The following TIAM1 variants were observed in gnomAD, a reference collection of about 807,000 sequenced individuals.
TIAM1 encodes rho guanine nucleotide exchange factor TIAM1.
Under a neutral mutation model 163.5 loss-of-function variants are expected in TIAM1, and 65 were observed. The observed-to-expected ratio is 0.40, with a 90% CI of 0.33 to 0.49. The LOEUF (loss-of-function observed/expected upper bound fraction) is 0.49. Ranked by LOEUF, TIAM1 falls within the 20% of genes least tolerant of loss-of-function variation. The pLI, the probability that TIAM1 is intolerant of heterozygous loss-of-function variation, is 0.77. For missense variants in TIAM1, 1,789 were observed against 2,044.7 expected, an observed-to-expected ratio of 0.87 and a Z score of 2.41; for synonymous variants, 833 against 810.1, an observed-to-expected ratio of 1.03 and a Z score of -0.48.
chr21:31,556,968 C>T (rs2123342495), intron 1 of TIAM1, among the ~76,000 whole-genome samples: 1 of 152,230 alleles, frequency 6.6e-6, no homozygotes, highest in African/African-American at 2.4e-5. Flanking sequence ...GAAAGTGTTC[C>T]CTCCTAACCT....
At chr21:31,165,259 CTTTAT>C (rs912193941) in intron 15 of TIAM1, among the ~76,000 whole-genome samples, 194 bp from the exon 16 acceptor site, 4 of 152,278 alleles carry the variant, frequency 2.6e-5, no homozygotes, top group Non-Finnish European at 4.4e-5. Flanking sequence ...AGTATTATTA[CTTTAT>C]ATTTTTCATA....
rs7282435 is a variant in TIAM1, at chr21:31,202,760, G to A, written c.2493+148C>T. The A allele has an allele frequency of 0.024, 16,485 of 693,430 alleles. 1,960 individuals carry two copies. In the African/African-American group the frequency reaches 0.26, roughly 11 times the overall value. The allele number at this position is 693,430 out of a possible 1,614,324, so 43.0% of individuals were successfully genotyped here. On this transcript the variant is annotated intron_variant, in intron 12 of 27. Transcript: ENST00000541036. Reference sequence around the variant, plus strand: ...CCACTCTGGAATACTGAGCTAAGTAGGGCCATCTCCACCAACTTAAGGGCT... The same window carrying A: ...CCACTCTGGAATACTGAGCTAAGTAAGGCCATCTCCACCAACTTAAGGGCT...
chr21:31,521,674 C>T (rs2047592136), intron 1 of TIAM1, among the ~76,000 whole-genome samples: 1 of 151,502 alleles, frequency 6.6e-6, no homozygotes, highest in African/African-American at 2.4e-5. Context: ...GAGTTCAAGG[C>T]TGTAGTGAGC....
intron 2 of TIAM1, among the ~76,000 whole-genome samples, chr21:31,442,064 T>TAAAAAAAAAAAAAAAAAAAA (rs1250832519): frequency 2.4e-5 from 2 of 84,710 alleles, no homozygotes; most frequent in Admixed American, 1.3e-4. Flanking sequence ...TCAGAACAAA[T>TAAAAAAAAAAAAAAAAAAAA]AAATAAATAT....
intron 1 of TIAM1, among the ~76,000 whole-genome samples, chr21:31,519,634 A>AAC (rs2047511598): frequency 6.6e-6 from 1 of 152,210 alleles, no homozygotes; most frequent in African/African-American, 2.4e-5. Flanking sequence ...AACAACAGCC[A>AAC]AAAGATAGAA....
intron 2 of TIAM1, among the ~76,000 whole-genome samples, chr21:31,424,385 C>T (rs2043706780): frequency 6.6e-6 from 1 of 152,198 alleles, no homozygotes; most frequent in Non-Finnish European, 1.5e-5. Context: ...TTGTGGATGC[C>T]ATCCAAGTAC....
intron 1 of TIAM1, among the ~76,000 whole-genome samples, chr21:31,524,421 C>G: frequency 6.6e-6 from 1 of 152,168 alleles, no homozygotes; most frequent in East Asian, 1.9e-4. Context: ...ACAACACAAA[C>G]ACCTCCCACC....
intron 2 of TIAM1, among the ~76,000 whole-genome samples, chr21:31,420,749 G>T (rs1426806695): frequency 6.6e-6 from 1 of 152,004 alleles, no homozygotes; most frequent in African/African-American, 2.4e-5. Context: ...GGTCAAATAG[G>T]GTCTCCCCAA....
At chr21:31,219,874 A>G (rs2087458889) in intron 8 of TIAM1, among the ~76,000 whole-genome samples, 1 of 152,218 alleles carries the variant, frequency 6.6e-6, no homozygotes, top group African/African-American at 2.4e-5. Context: ...ATCACAAGAC[A>G]AACACACCGT....
chr21:31,153,277 G>T, intron 17 of TIAM1, 143 bp from the exon 18 acceptor site: 1 of 635,520 alleles, frequency 1.6e-6, no homozygotes, highest in East Asian at 3.1e-5. Flanking sequence ...TAACGTTAGA[G>T]ACTTTAGGTC....
intron 15 of TIAM1, among the ~76,000 whole-genome samples, chr21:31,171,059 A>C (rs1206065735): frequency 1.3e-5 from 2 of 151,108 alleles, no homozygotes; most frequent in Non-Finnish European, 2.9e-5. Flanking sequence ...AAAAAAAAAA[A>C]AAATTGGGGG....
chr21:31,257,322 T>C (rs1196114295), intron 4 of TIAM1, among the ~76,000 whole-genome samples: 2 of 152,160 alleles, frequency 1.3e-5, no homozygotes, highest in Admixed American at 1.3e-4. Context: ...CAATTTCAGC[T>C]ACAAGCATTG....
chr21:31,539,779 C>A (rs2252666), intron 1 of TIAM1, among the ~76,000 whole-genome samples: 17,105 of 152,132 alleles, frequency 0.11, 1,919 homozygotes, highest in East Asian at 0.63. Context: ...TGGATTTCAT[C>A]GCACCCAGGT....
chr21:31,392,089 G>A (rs1308213894), intron 2 of TIAM1, among the ~76,000 whole-genome samples: 1 of 152,164 alleles, frequency 6.6e-6, no homozygotes, highest in African/African-American at 2.4e-5. Context: ...AGGTAGGCTA[G>A]GCTAAGCTAG....
intron 2 of TIAM1, among the ~76,000 whole-genome samples, chr21:31,440,525 C>T (rs1203992477): frequency 6.6e-6 from 1 of 152,160 alleles, no homozygotes; most frequent in Non-Finnish European, 1.5e-5. Flanking sequence ...TCAGGGTTGT[C>T]CTGGTCCCAG....
intron 16 of TIAM1, among the ~76,000 whole-genome samples, chr21:31,159,337 G>A (rs2083785347): frequency 6.6e-6 from 1 of 152,078 alleles, no homozygotes; most frequent in Admixed American, 6.5e-5. Context: ...TGAAAAGAAA[G>A]TACAAAAAGA....
rs553338753 is a variant in TIAM1 at position 31,394,281 on chromosome 21, A to G, written c.-368-54859T>C. On this transcript the variant is annotated intron_variant, in intron 2 of 28. Transcript: ENST00000286827. ...AGCTACACACTGTATGACTCCAACT[A>G]CACGACATCCTGGAAAAGGTGAAGC... is the stretch of plus-strand genomic sequence containing the variant. Among the ~76,000 whole-genome samples the G allele has an allele frequency of 1.3e-4, 20 of 152,362 alleles. No individual in the cohort carries two copies. The South Asian group carries it at 3.9e-3, about 30-fold the overall frequency.
At chr21:31,454,557 G>A (rs1270279723) in intron 2 of TIAM1, among the ~76,000 whole-genome samples, 1 of 152,154 alleles carries the variant, frequency 6.6e-6, no homozygotes, top group East Asian at 1.9e-4. Context: ...AGCAGGGTGA[G>A]GAAGGGGCCA....
chr21:31,227,236 T>G (rs2088043621), intron 6 of TIAM1, among the ~76,000 whole-genome samples: 1 of 152,108 alleles, frequency 6.6e-6, no homozygotes, highest in Admixed American at 6.6e-5. Context: ...GGATTACAGA[T>G]GTGAGCCATC....
Sources: gnomAD v4.1 joint callset for allele counts (sites outside exome capture counted in the v4.1 genomes callset) on GRCh38, gnomAD v4.1.1 for gene constraint, MANE v1.5 for transcripts, NCBI Gene and HGNC (gene_info 2026-07-23, HGNC 2026-07-21) for gene names.